GRM3: variants seen among roughly 807,000 people sequenced by gnomAD.
The protein encoded by GRM3 is metabotropic glutamate receptor 3.
GRM3 carries 26 observed loss-of-function variants against 70.5 expected under a neutral mutation model. The observed-to-expected ratio is 0.37, with a 90% CI of 0.27 to 0.51. The LOEUF is 0.51. Ranked by LOEUF, GRM3 falls within the 20% of genes least tolerant of loss-of-function variation. The probability of loss-of-function intolerance (pLI) is 0.93; values close to 1 mark genes in which losing one functional copy is unlikely to be tolerated. For synonymous variants in GRM3, 443 were observed against 434.9 expected (o/e 1.02, Z -0.23); for missense variants, 859 against 1,123.8 (o/e 0.76, Z 3.37).
At chr7:86,823,061 C>T (rs529210484) in intron 3 of GRM3, among the ~76,000 whole-genome samples, 101 of 152,098 alleles carry the variant, frequency 6.6e-4, no homozygotes, top group Non-Finnish European at 1.3e-3. Flanking sequence ...GTACCTTAGA[C>T]GTTTTTAGAG....
In GRM3 at chr7:86,685,778, C is replaced by T. The variant is rs527253441; in HGVS notation, c.-141+40906C>T. Among the ~76,000 whole-genome samples, 56 of 151,942 alleles carry T rather than the reference C, an allele frequency of 3.7e-4. 1 individual carries two copies. The East Asian group carries it at 0.011, about 30-fold the overall frequency. ...AAAATTAGCCGGGCATGGTGGGGCG[C>T]ACCTGTAGTCCAAGCTACTCACAAG... On this transcript the variant is annotated intron_variant, in intron 1 of 5. Coordinates refer to ENST00000361669, the MANE Select transcript of GRM3 (RefSeq NM_000840.3).
At chr7:86,764,771 C>T (rs981395489) in intron 1 of GRM3, among the ~76,000 whole-genome samples, 3 of 151,996 alleles carry the variant, frequency 2.0e-5, no homozygotes, top group African/African-American at 7.2e-5. Flanking sequence ...TTTGTAAGGT[C>T]ACCTCCTTGA....
At chr7:86,799,422 G>A (rs147298452) in intron 3 of GRM3, among the ~76,000 whole-genome samples, 1 of 152,262 alleles carries the variant, frequency 6.6e-6, no homozygotes, top group African/African-American at 2.4e-5. Context: ...TCCTTGTCTT[G>A]TGCCAGTTTT....
chr7:86,820,205 A>C (rs941960165), intron 3 of GRM3, among the ~76,000 whole-genome samples: 5 of 152,172 alleles, frequency 3.3e-5, no homozygotes, highest in African/African-American at 1.2e-4. Context: ...ATTGTGGAAA[A>C]GGAGACTGGA....
intron 5 of GRM3, among the ~76,000 whole-genome samples, chr7:86,854,323 G>C (rs995364248): frequency 3.3e-5 from 5 of 152,160 alleles, no homozygotes; most frequent in South Asian, 2.1e-4. Flanking sequence ...CAAGGTGGTT[G>C]ATAGCAGAAA....
intron 2 of GRM3, chr7:86,775,071 G>T (rs1459037328): frequency 6.6e-6 from 1 of 152,030 alleles, no homozygotes; most frequent in African/African-American, 2.4e-5. Flanking sequence ...AATAAATGCA[G>T]ATAATCCAGA....
intron 1 of GRM3, among the ~76,000 whole-genome samples, chr7:86,707,266 T>C (rs978787662): frequency 6.6e-6 from 1 of 152,118 alleles, no homozygotes; most frequent in Non-Finnish European, 1.5e-5. Flanking sequence ...TTTAGCAAAC[T>C]GATTTGGATC....
intron 2 of GRM3, among the ~76,000 whole-genome samples, chr7:86,785,684 GATTTTT>G: frequency 1.4e-5 from 1 of 72,170 alleles, no homozygotes; most frequent in African/African-American, 5.3e-5. Flanking sequence ...AAATAGAATT[GATTTTT>G]TTTTTTTTTT....
chr7:86,829,713 C>A (rs932964296), intron 3 of GRM3, among the ~76,000 whole-genome samples: 1 of 151,992 alleles, frequency 6.6e-6, no homozygotes, highest in Admixed American at 6.6e-5. Context: ...GTTTGCGGCA[C>A]CTGAAAACAT....
At chr7:86,717,519 T>C (rs1248496592) in intron 1 of GRM3, among the ~76,000 whole-genome samples, 1 of 151,978 alleles carries the variant, frequency 6.6e-6, no homozygotes, top group African/African-American at 2.4e-5. Context: ...TTGTCACTGA[T>C]AAAAATTTAC....
intron 3 of GRM3, among the ~76,000 whole-genome samples, chr7:86,830,350 T>C (rs1798326103): frequency 1.3e-5 from 2 of 152,202 alleles, no homozygotes; most frequent in Admixed American, 1.3e-4. Flanking sequence ...CACTGACACA[T>C]CCTGTATTGG....
intron 1 of GRM3, among the ~76,000 whole-genome samples, chr7:86,661,554 G>C (rs1270440568): frequency 6.6e-6 from 1 of 151,856 alleles, no homozygotes; most frequent in African/African-American, 2.4e-5. Context: ...AGTACTCAAT[G>C]GAATGTAGAC....
chr7:86,700,729 T>C (rs919673997), intron 1 of GRM3, among the ~76,000 whole-genome samples: 3 of 151,946 alleles, frequency 2.0e-5, no homozygotes, highest in Non-Finnish European at 4.4e-5. Context: ...TTACAGAGAA[T>C]ACAAGTCATT....
At chr7:86,694,299 G>GCAGATCA (rs1794760701) in intron 1 of GRM3, among the ~76,000 whole-genome samples, 1 of 152,012 alleles carries the variant, frequency 6.6e-6, no homozygotes, top group African/African-American at 2.4e-5. Flanking sequence ...GCCGAGGCGG[G>GCAGATCA]CAGATCACGA....
At position 86,796,540 on chromosome 7, in the gene GRM3, A is replaced by C. The variant is rs1402906383; in HGVS notation, c.1324+9424A>C. ...TTTTTTGCTTAGGACTCTCTTGGCT[A>C]TATGGGCTCTGTTGGTTCCATATTA... On this transcript the variant is annotated intron_variant, in intron 3 of 5. Coordinates refer to ENST00000361669, the MANE Select transcript of GRM3 (RefSeq NM_000840.3). 2.6e-5 allele frequency among the ~76,000 whole-genome samples: 4 copies of C among 152,160 alleles called. No individual in the cohort carries two copies. The East Asian group carries it at 7.7e-4, about 29-fold the overall frequency.
At chr7:86,703,762 T>C (rs1201230580) in intron 1 of GRM3, among the ~76,000 whole-genome samples, 1 of 151,964 alleles carries the variant, frequency 6.6e-6, no homozygotes, top group Non-Finnish European at 1.5e-5. Context: ...CAGAGTTCCA[T>C]TGAGTGTGTT....
chr7:86,782,062 G>C (rs1249297540), intron 2 of GRM3, among the ~76,000 whole-genome samples: 1 of 152,106 alleles, frequency 6.6e-6, no homozygotes, highest in Admixed American at 6.5e-5. Flanking sequence ...TCCTCGTTCA[G>C]TTCTAAGTGT....
intron 3 of GRM3, among the ~76,000 whole-genome samples, chr7:86,818,973 G>A (rs1444906403): frequency 6.6e-6 from 1 of 152,106 alleles, no homozygotes. Flanking sequence ...AGTGGGCAGA[G>A]AGGCCTCATA....
intron 1 of GRM3, among the ~76,000 whole-genome samples, chr7:86,747,916 A>T (rs1411215348): frequency 1.3e-5 from 2 of 151,956 alleles, no homozygotes; most frequent in Non-Finnish European, 2.9e-5. Flanking sequence ...CACCCCACTA[A>T]ACAGCACAGC....
Sources: gnomAD v4.1 joint callset for allele counts (sites outside exome capture counted in the v4.1 genomes callset) on GRCh38, gnomAD v4.1.1 for gene constraint, MANE v1.5 for transcripts, NCBI Gene and HGNC (gene_info 2026-07-23, HGNC 2026-07-21) for gene names.